NRIP1: variants seen among roughly 807,000 people sequenced by gnomAD.
NRIP1 encodes nuclear receptor interacting protein 1.
NRIP1 carries 28 observed loss-of-function variants against 75.0 expected under a neutral mutation model. That is an observed-to-expected ratio of 0.37 (90% CI 0.28 to 0.51). The LOEUF is 0.51. NRIP1 is among the 20% of genes least tolerant of loss of function. NRIP1 has a pLI of 0.92. For missense variants in NRIP1, 1,435 were observed against 1,343.7 expected (o/e 1.07, Z -1.06); for synonymous variants, 526 against 487.6 (o/e 1.08, Z -1.04).
At chr21:15,031,484 A>C (rs888737377) in intron 2 of NRIP1, among the ~76,000 whole-genome samples, 5 of 140,962 alleles carry the variant, frequency 3.5e-5, no homozygotes, top group African/African-American at 1.3e-4. Context: ...TACACTCTGG[A>C]AGGCGTTCAG....
At chr21:15,051,505 C>T (rs1269084014) in intron 1 of NRIP1, 1 of 152,294 alleles carries the variant, frequency 6.6e-6, no homozygotes, top group African/African-American at 2.4e-5. Context: ...AATGTGAACA[C>T]CTGCTACAGA....
rs1055146920 is a variant in NRIP1, at chr21:14,968,325, T to C, written c.-133A>G. ...CCATCGCAATCAGAGAGAGACGTAC[T>C]GTTACATTCTGTCCAAGATTTCTTC... is the stretch of plus-strand genomic sequence containing the variant. On this transcript the variant is annotated 5_prime_UTR_variant, in exon 4 of 4. Transcript: ENST00000318948. 3 of 644,296 alleles carry C rather than the reference T, an allele frequency of 4.7e-6. No individual in the cohort carries two copies. In the African/African-American group the frequency reaches 5.5e-5, roughly 12 times the overall value. The allele number at this position is 644,296 out of a possible 1,614,324, so 39.9% of individuals were successfully genotyped here.
chr21:14,984,985 A>G (rs1297926153), intron 3 of NRIP1, among the ~76,000 whole-genome samples: 1 of 152,216 alleles, frequency 6.6e-6, no homozygotes, highest in African/African-American at 2.4e-5. Flanking sequence ...TAACTTTTAT[A>G]TGGACTGAAA....
intron 3 of NRIP1, among the ~76,000 whole-genome samples, chr21:14,990,398 C>T (rs1181533842): frequency 6.6e-6 from 1 of 152,134 alleles, no homozygotes; most frequent in Non-Finnish European, 1.5e-5. Context: ...TTAAGCAATG[C>T]AAATACTAAT....
chr21:15,011,841 G>A (rs2088111505), intron 3 of NRIP1, among the ~76,000 whole-genome samples: 1 of 152,190 alleles, frequency 6.6e-6, no homozygotes, highest in South Asian at 2.1e-4. Context: ...ATATAAAAAA[G>A]GGTGAATTAA....
At chr21:15,049,738 C>A (rs541245240) in intron 1 of NRIP1, among the ~76,000 whole-genome samples, 1 of 152,112 alleles carries the variant, frequency 6.6e-6, no homozygotes, top group South Asian at 2.1e-4. Context: ...TCAAGCCAAT[C>A]TTTTGCAACT....
At chr21:15,011,737 T>C (rs2088109413) in intron 3 of NRIP1, among the ~76,000 whole-genome samples, 2 of 152,330 alleles carry the variant, frequency 1.3e-5, no homozygotes, top group Admixed American at 1.3e-4. Context: ...ACCGAAAATA[T>C]TCTCTGTTTT....
At chr21:14,984,622 T>C (rs1227020334) in intron 3 of NRIP1, among the ~76,000 whole-genome samples, 3 of 152,200 alleles carry the variant, frequency 2.0e-5, no homozygotes, top group Non-Finnish European at 2.9e-5. Context: ...TTTGAGAGGA[T>C]TGACTCTTTT....
At chr21:15,032,314 T>C (rs7277968) in intron 2 of NRIP1, among the ~76,000 whole-genome samples, 21,069 of 152,206 alleles carry the variant, frequency 0.14, 1,669 homozygotes, top group African/African-American at 0.21. Flanking sequence ...AAAATTCTAA[T>C]AAACTCCTTG....
At chr21:15,038,639 G>A (rs11088259) in intron 2 of NRIP1, among the ~76,000 whole-genome samples, 12,447 of 152,062 alleles carry the variant, frequency 0.082, 686 homozygotes, top group East Asian at 0.22. Flanking sequence ...TCAAAGGGAT[G>A]TGTATGTCAG....
At chr21:15,013,078 C>T (rs183331886) in intron 3 of NRIP1, among the ~76,000 whole-genome samples, 64 of 152,040 alleles carry the variant, frequency 4.2e-4, no homozygotes, top group African/African-American at 1.4e-3. Flanking sequence ...AGACTGCCAA[C>T]CAGTGATTAA....
chr21:14,975,681 AAG>A (rs1350593329), intron 3 of NRIP1, among the ~76,000 whole-genome samples: 1 of 139,382 alleles, frequency 7.2e-6, no homozygotes, highest in Non-Finnish European at 1.5e-5. Flanking sequence ...GAAAGAAAGA[AAG>A]GGAGGGGAGG....
At chr21:15,038,752 C>T (rs150364956) in intron 2 of NRIP1, among the ~76,000 whole-genome samples, 7 of 151,702 alleles carry the variant, frequency 4.6e-5, no homozygotes, top group African/African-American at 1.7e-4. Flanking sequence ...TATTCCCTGC[C>T]CCAGAAAACC....
chr21:14,964,301 T>G lies in NRIP1; in HGVS notation c.*415A>C, dbSNP rs562432464. The G allele has an allele frequency of 6.5e-6, 1 of 153,556 alleles. No individual in the cohort carries two copies. Among genetic ancestry groups the G allele is most frequent in the Admixed American group, 6.6e-5 (1 of 15,256 alleles). The allele number at this position is 153,556 out of a possible 1,614,324, so 9.5% of individuals were successfully genotyped here. ...TATTGGATAATTATCCTTTAAAGAG[T>G]TGTTTAACAGTTTAGACTTTAAAAA... On this transcript the variant is annotated 3_prime_UTR_variant, in exon 4 of 4. Coordinates refer to ENST00000318948, the MANE Select transcript of NRIP1 (RefSeq NM_003489.4).
chr21:15,062,661 C>G (rs1189719464), intron 1 of NRIP1, among the ~76,000 whole-genome samples: 1 of 152,158 alleles, frequency 6.6e-6, no homozygotes, highest in Admixed American at 6.5e-5. Context: ...CTTTTGAAAG[C>G]TAGTACTTCT....
intron 2 of NRIP1, among the ~76,000 whole-genome samples, chr21:15,043,078 C>T (rs1052041206): frequency 4.6e-5 from 7 of 152,196 alleles, no homozygotes; most frequent in African/African-American, 1.7e-4. Context: ...ATGCAGATGG[C>T]AGCTGATCCC....
intron 3 of NRIP1, among the ~76,000 whole-genome samples, chr21:14,980,781 T>A (rs140520686): frequency 4.0e-4 from 61 of 152,254 alleles, no homozygotes; most frequent in African/African-American, 1.4e-3. Context: ...ATGTAAATGT[T>A]CTCAATTAGT....
intron 2 of NRIP1, among the ~76,000 whole-genome samples, chr21:15,042,013 C>A (rs2088965894): frequency 6.6e-6 from 1 of 152,112 alleles, no homozygotes; most frequent in South Asian, 2.1e-4. Context: ...AAATAATAAT[C>A]TTAAACACAG....
chr21:14,978,628 C>T (rs927134462), intron 3 of NRIP1, among the ~76,000 whole-genome samples: 1 of 152,040 alleles, frequency 6.6e-6, no homozygotes, highest in African/African-American at 2.4e-5. Context: ...ATGAAATAAC[C>T]GTTCTGGTGA....
Sources: gnomAD v4.1 joint callset for allele counts (sites outside exome capture counted in the v4.1 genomes callset) on GRCh38, gnomAD v4.1.1 for gene constraint, MANE v1.5 for transcripts, NCBI Gene and HGNC (gene_info 2026-07-23, HGNC 2026-07-21) for gene names.